Variants in ATP8A2 observed in about 807,000 individuals in gnomAD.
The protein encoded by ATP8A2 is ATPase phospholipid transporting 8A2.
In ATP8A2, 100 loss-of-function variants were observed where a neutral mutation model predicts 165.6. That is an observed-to-expected ratio of 0.60 (90% CI 0.51 to 0.71). The LOEUF (loss-of-function observed/expected upper bound fraction) is 0.71. Among genes scored for constraint, ATP8A2 ranks in the 30% least tolerant of loss-of-function variants. ATP8A2 has a pLI of 0.00. For missense variants in ATP8A2, 1,227 were observed against 1,479.5 expected (o/e 0.83, Z 2.80); for synonymous variants, 543 against 548.8 (o/e 0.99, Z 0.15).
chr13:25,444,403 C>G (rs1311306539), intron 1 of ATP8A2, among the ~76,000 whole-genome samples: 1 of 151,976 alleles, frequency 6.6e-6, no homozygotes, highest in African/African-American at 2.4e-5. Context: ...GATAAAATAC[C>G]TAGAAGTAGA....
chr13:25,869,467 CTG>C, intron 33 of ATP8A2, among the ~76,000 whole-genome samples: 1 of 152,290 alleles, frequency 6.6e-6, no homozygotes, highest in Admixed American at 6.5e-5. Flanking sequence ...CAAATTGTAA[CTG>C]TGAAAGTAGG....
chr13:25,480,289 C>A (rs372147400), intron 2 of ATP8A2, among the ~76,000 whole-genome samples: 2 of 145,360 alleles, frequency 1.4e-5, no homozygotes, highest in African/African-American at 5.2e-5. Context: ...GCTGGCCGGG[C>A]GGGGGGCTGA....
intron 27 of ATP8A2, among the ~76,000 whole-genome samples, chr13:25,809,254 T>C (rs1166350637): frequency 1.3e-5 from 2 of 152,102 alleles, no homozygotes; most frequent in Admixed American, 6.6e-5. Flanking sequence ...TTGGGTGACA[T>C]GATCAATGGA....
rs149806226 is a variant in ATP8A2 at position 25,744,682 on chromosome 13, T to C, written c.2385-24364T>C. Among the ~76,000 whole-genome samples the C allele has an allele frequency of 4.0e-3, 603 of 152,262 alleles. 3 individuals carry two copies. The highest frequency in any genetic ancestry group is 0.014 in the African/African-American group (581 of 41,548). On this transcript the variant is annotated intron_variant, in intron 25 of 36. Coordinates refer to ENST00000381655, the MANE Select transcript of ATP8A2 (RefSeq NM_016529.6). ...ATGAGATGTTGGTTAGAATTCTCAATAGCCACTGGGGTGATAGGAACCTGC... is the reference window on the plus strand; with the variant it reads ...ATGAGATGTTGGTTAGAATTCTCAACAGCCACTGGGGTGATAGGAACCTGC...
chr13:25,497,915 T>C (rs1032601728), intron 2 of ATP8A2, among the ~76,000 whole-genome samples: 1 of 152,216 alleles, frequency 6.6e-6, no homozygotes, highest in African/African-American at 2.4e-5. Context: ...TGAGCCGAGA[T>C]CGCGCCACTG....
At chr13:25,672,884 G>A (rs947555021) in intron 24 of ATP8A2, among the ~76,000 whole-genome samples, 2 of 152,208 alleles carry the variant, frequency 1.3e-5, no homozygotes, top group Non-Finnish European at 2.9e-5. Flanking sequence ...GGAAGAAGGA[G>A]GCAATTACAG....
chr13:25,791,528 A>AACACACACAC lies in ATP8A2; in HGVS notation c.2679+16573_2679+16582dup, dbSNP rs67701751. 1.4e-3 allele frequency among the ~76,000 whole-genome samples: 141 copies of AACACACACAC among 102,020 alleles called. 1 individual carries two copies. Among genetic ancestry groups the AACACACACAC allele is most frequent in the Non-Finnish European group, 2.4e-3 (122 of 50,266 alleles). 66.9% of individuals were successfully genotyped at this position (102,020 alleles called of 152,430 possible). A position where few individuals can be genotyped will look rare whatever the true frequency, so the allele number is the denominator to read the frequency against. ...ACCTGCACATGTATCCCCGAACTTAAACACACACACACATACACACACACA... is the reference window on the plus strand; with the variant it reads ...ACCTGCACATGTATCCCCGAACTTAAACACACACACACACACACACACATACACACACACA... On this transcript the variant is annotated intron_variant, in intron 27 of 36. Transcript: ENST00000381655.
At chr13:25,482,401 A>G (rs2036231958) in intron 2 of ATP8A2, among the ~76,000 whole-genome samples, 1 of 152,168 alleles carries the variant, frequency 6.6e-6, no homozygotes, top group Non-Finnish European at 1.5e-5. Context: ...GTGGGAAAGT[A>G]GAAGGACGGG....
chr13:25,398,944 T>C (rs1025735912), intron 1 of ATP8A2, among the ~76,000 whole-genome samples: 2 of 152,136 alleles, frequency 1.3e-5, no homozygotes, highest in African/African-American at 4.8e-5. Flanking sequence ...CAGACATAAA[T>C]TTCAGGCTCT....
intron 1 of ATP8A2, among the ~76,000 whole-genome samples, chr13:25,397,836 A>G (rs1265917144): frequency 1.3e-5 from 2 of 152,198 alleles, no homozygotes; most frequent in Non-Finnish European, 1.5e-5. Flanking sequence ...GAAAACTGTG[A>G]CATCTCAAAG....
chr13:25,374,878 CTCA>C (rs1054037939), intron 1 of ATP8A2, among the ~76,000 whole-genome samples: 3 of 152,164 alleles, frequency 2.0e-5, no homozygotes, highest in African/African-American at 7.2e-5. Context: ...TCTGCTACTT[CTCA>C]TTATTAAAAA....
At chr13:25,564,527 A>C (rs997480610) in intron 16 of ATP8A2, among the ~76,000 whole-genome samples, 7 of 152,208 alleles carry the variant, frequency 4.6e-5, no homozygotes, top group African/African-American at 1.7e-4. Context: ...GTGACAAGGA[A>C]GTTAAATAAA....
intron 2 of ATP8A2, among the ~76,000 whole-genome samples, chr13:25,526,464 A>C (rs2037844457): frequency 6.6e-6 from 1 of 152,216 alleles, no homozygotes; most frequent in African/African-American, 2.4e-5. Flanking sequence ...TAAGAGATTC[A>C]TTGTAATTTA....
At chr13:25,872,074 C>A (rs908511679) in intron 33 of ATP8A2, among the ~76,000 whole-genome samples, 1 of 135,108 alleles carries the variant, frequency 7.4e-6, no homozygotes, top group African/African-American at 2.7e-5. Context: ...TTTCGGAATG[C>A]GCATTCAAAT....
intron 33 of ATP8A2, among the ~76,000 whole-genome samples, chr13:25,920,263 C>G (rs1954409096): frequency 6.6e-6 from 1 of 152,126 alleles, no homozygotes; most frequent in African/African-American, 2.4e-5. Context: ...CTGAATGGTC[C>G]TTGTACTCTT....
At chr13:25,866,856 C>G (rs1024637055) in intron 33 of ATP8A2, among the ~76,000 whole-genome samples, 5 of 152,162 alleles carry the variant, frequency 3.3e-5, no homozygotes, top group Admixed American at 3.3e-4. Context: ...ACTGAAGATA[C>G]AGCTGAGTGA....
intron 1 of ATP8A2, among the ~76,000 whole-genome samples, chr13:25,455,081 C>T (rs1308592570): frequency 1.3e-5 from 2 of 152,158 alleles, no homozygotes; most frequent in Admixed American, 6.5e-5. Flanking sequence ...CATGGAGTTC[C>T]GTTTCAGAGG....
chr13:25,891,392 G>A (rs879404417), intron 33 of ATP8A2, among the ~76,000 whole-genome samples: 2 of 151,996 alleles, frequency 1.3e-5, no homozygotes, highest in Non-Finnish European at 2.9e-5. Flanking sequence ...GTGCGATCTC[G>A]GCTCACTGCA....
At position 25,385,465 on chromosome 13, in the gene ATP8A2, G is replaced by A. The variant is rs572885304; in HGVS notation, c.76+13177G>A. Among the ~76,000 whole-genome samples, 115 of 152,126 alleles carry A rather than the reference G, an allele frequency of 7.6e-4. No individual in the cohort carries two copies. In the Middle Eastern group the frequency reaches 0.01, roughly 13 times the overall value. ...ACTTAAACAAGATAACATATATAAAGCACTTCACACTATCTGAAACTTAAT... is the reference window on the plus strand; with the variant it reads ...ACTTAAACAAGATAACATATATAAAACACTTCACACTATCTGAAACTTAAT... On this transcript the variant is annotated intron_variant, in intron 1 of 36. Transcript: ENST00000381655.
Sources: gnomAD v4.1 joint callset for allele counts (sites outside exome capture counted in the v4.1 genomes callset) on GRCh38, gnomAD v4.1.1 for gene constraint, MANE v1.5 for transcripts, NCBI Gene and HGNC (gene_info 2026-07-23, HGNC 2026-07-21) for gene names.